The following GLRB variants were observed in gnomAD, a reference collection of about 807,000 sequenced individuals.
GLRB encodes glycine receptor beta, also known as glycine receptor subunit beta.
GLRB carries 33 observed loss-of-function variants against 54.2 expected under a neutral mutation model. That is an observed-to-expected ratio of 0.61 (90% CI 0.46 to 0.81). The LOEUF (loss-of-function observed/expected upper bound fraction) is 0.81. Among genes scored for constraint, GLRB ranks in the 40% least tolerant of loss-of-function variants. GLRB has a pLI of 0.00. For missense variants in GLRB, 572 were observed against 584.6 expected, an observed-to-expected ratio of 0.98 and a Z score of 0.22; for synonymous variants, 209 against 208.2, an observed-to-expected ratio of 1.00 and a Z score of -0.03.
intron 8 of GLRB, among the ~76,000 whole-genome samples, chr4:157,149,147 G>A (rs1736924962): frequency 6.6e-6 from 1 of 151,968 alleles, no homozygotes; most frequent in Non-Finnish European, 1.5e-5. Context: ...AGTCTCTTTT[G>A]TTATGGCCTG....
At chr4:157,122,207 A>AT in intron 3 of GLRB, 123 bp from the exon 4 acceptor site, 2 of 488,790 alleles carry the variant, frequency 4.1e-6, no homozygotes, top group Middle Eastern at 5.7e-4. Flanking sequence ...GAGACCATAG[A>AT]TTTTTTGCAT....
chr4:157,111,680 G>A (rs1735424220), intron 2 of GLRB, among the ~76,000 whole-genome samples: 1 of 152,000 alleles, frequency 6.6e-6, no homozygotes, highest in Non-Finnish European at 1.5e-5. Context: ...TTGAGGGGGA[G>A]TAAGAGTCCA....
intron 9 of GLRB, among the ~76,000 whole-genome samples, chr4:157,153,324 G>A (rs933496150): frequency 1.3e-5 from 2 of 152,106 alleles, no homozygotes; most frequent in Non-Finnish European, 2.9e-5. Context: ...TTGCTGGATG[G>A]AGCACAGACC....
intron 4 of GLRB, among the ~76,000 whole-genome samples, chr4:157,124,384 C>A (rs1205168794): frequency 6.6e-6 from 1 of 151,688 alleles, no homozygotes. Flanking sequence ...AGCTTCTATA[C>A]TGTAATTAAA....
chr4:157,157,623 G>C (rs1056102626), intron 9 of GLRB, among the ~76,000 whole-genome samples: 1 of 152,112 alleles, frequency 6.6e-6, no homozygotes, highest in Non-Finnish European at 1.5e-5. Flanking sequence ...AGTTTGCTCA[G>C]AATGATTGTT....
chr4:157,101,293 T>C (rs901997714), intron 2 of GLRB, among the ~76,000 whole-genome samples: 1 of 151,996 alleles, frequency 6.6e-6, no homozygotes, highest in African/African-American at 2.4e-5. Flanking sequence ...ATATAAATAA[T>C]ATATTTTTGG....
chr4:157,086,101 G>A (rs4615228), intron 2 of GLRB, among the ~76,000 whole-genome samples: 26,665 of 151,972 alleles, frequency 0.18, 2,460 homozygotes, highest in East Asian at 0.28. Flanking sequence ...CAAAGACTTC[G>A]CGTTACAGGT....
At chr4:157,139,413 A>G (rs537041703) in intron 7 of GLRB, among the ~76,000 whole-genome samples, 28 of 152,252 alleles carry the variant, frequency 1.8e-4, no homozygotes, top group African/African-American at 6.0e-4. Flanking sequence ...AGGAAGCAAT[A>G]AGAATGTGAA....
intron 2 of GLRB, among the ~76,000 whole-genome samples, chr4:157,102,531 G>A (rs1464864193): frequency 6.6e-6 from 1 of 151,948 alleles, no homozygotes; most frequent in Non-Finnish European, 1.5e-5. Context: ...CTTTTTAAAG[G>A]CTAAATAATA....
chr4:157,152,741 G>T lies in GLRB; in HGVS notation c.928G>T (p.Ala310Ser), dbSNP rs1250261870. The T allele has an allele frequency of 1.2e-6, 2 of 1,613,516 alleles. No homozygotes were observed. The highest frequency in any genetic ancestry group is 1.7e-6 in the Non-Finnish European group (2 of 1,179,626). Residue 310 changes from alanine to serine, a missense_variant, in exon 9 of 10, where the codon GCC (alanine) becomes TCC (serine). Physicochemically the swap from Ala to Ser is moderately conservative, Grantham distance 99 (BLOSUM62 1). Transcript: ENST00000264428. ...AGGTATCTTCTCAGTCCTCAGCTTGGCCTCTGAGTGCACAACCCTTGCCGC... is the reference window on the plus strand; with the variant it reads ...AGGTATCTTCTCAGTCCTCAGCTTGTCCTCTGAGTGCACAACCCTTGCCGC... ...PLGIFSVLSLASECTTLAAEL... is the reference protein window; with the variant it reads ...PLGIFSVLSLSSECTTLAAEL...
chr4:157,136,677 G>A lies in GLRB; in HGVS notation c.506G>A (p.Gly169Glu). The A allele has an allele frequency of 1.2e-6, 2 of 1,607,212 alleles. No individual in the cohort carries two copies. Among genetic ancestry groups the A allele is most frequent in the Non-Finnish European group, 1.7e-6 (2 of 1,173,756 alleles). The change falls in exon 5 of 10, where the codon GGA becomes GAA. Residue 169 changes from glycine to glutamate, a missense_variant. Physicochemically the swap from Gly to Glu is moderately conservative, Grantham distance 98 (BLOSUM62 -2). Coordinates refer to ENST00000264428, the MANE Select transcript of GLRB (RefSeq NM_000824.5). ...ATCCTCCTCTTTATTTTTCGTGATGGAGATGTCCTTGTCAGCATGAGGTAC... is the reference window on the plus strand; with the variant it reads ...ATCCTCCTCTTTATTTTTCGTGATGAAGATGTCCTTGTCAGCATGAGGTAC... ...ENILLFIFRDGDVLVSMRLSI... is the reference protein window; with the variant it reads ...ENILLFIFRDEDVLVSMRLSI...
intron 4 of GLRB, among the ~76,000 whole-genome samples, chr4:157,127,426 G>T (rs575651738): frequency 2.6e-5 from 4 of 151,694 alleles, no homozygotes; most frequent in African/African-American, 9.7e-5. Context: ...CTGAATAATG[G>T]CCCCCTAAAG....
At chr4:157,109,898 C>T (rs375394432) in intron 2 of GLRB, among the ~76,000 whole-genome samples, 2 of 151,970 alleles carry the variant, frequency 1.3e-5, no homozygotes, top group Admixed American at 1.3e-4. Context: ...ATAAAGCTTC[C>T]GTGCCCTCTC....
In GLRB at chr4:157,171,062, T is replaced by C. The variant is rs188807631; in HGVS notation, c.*334T>C. 192 of 172,130 alleles carry C rather than the reference T, an allele frequency of 1.1e-3. No individual in the cohort carries two copies. The highest frequency in any genetic ancestry group is 3.8e-3 in the African/African-American group (161 of 42,232). 10.7% of individuals were successfully genotyped at this position (172,130 alleles called of 1,614,324 possible). ...TCTGATAATAAAATGATATGCACGC[T>C]GAATCCTGCTATGGTCACCATTCTA... On this transcript the variant is annotated 3_prime_UTR_variant, in exon 10 of 10. Coordinates refer to ENST00000264428, the MANE Select transcript of GLRB (RefSeq NM_000824.5).
At chr4:157,114,760 A>G (rs931929477) in intron 2 of GLRB, among the ~76,000 whole-genome samples, 4 of 151,790 alleles carry the variant, frequency 2.6e-5, no homozygotes, top group African/African-American at 7.3e-5. Flanking sequence ...TGTGTTTCCC[A>G]TGACTAGACT....
chr4:157,092,103 A>G (rs970159868), intron 2 of GLRB, among the ~76,000 whole-genome samples: 3 of 152,214 alleles, frequency 2.0e-5, no homozygotes, highest in Non-Finnish European at 2.9e-5. Context: ...TCCTCAGATA[A>G]TTCTTTTTGG....
intron 9 of GLRB, among the ~76,000 whole-genome samples, chr4:157,155,822 A>G (rs1400745652): frequency 2.0e-5 from 3 of 152,160 alleles, no homozygotes; most frequent in Non-Finnish European, 4.4e-5. Flanking sequence ...TTGAAAATAT[A>G]GATGTATGTT....
chr4:157,105,687 T>G (rs988232195), intron 2 of GLRB, among the ~76,000 whole-genome samples: 1 of 152,136 alleles, frequency 6.6e-6, no homozygotes, highest in Non-Finnish European at 1.5e-5. Flanking sequence ...TATAAATTTC[T>G]GTGGCCCTAT....
At chr4:157,165,810 G>A (rs887015444) in intron 9 of GLRB, among the ~76,000 whole-genome samples, 28 of 151,892 alleles carry the variant, frequency 1.8e-4, no homozygotes, top group African/African-American at 6.8e-4. Context: ...ATGAATAAAA[G>A]ACAAAGAAAA....
Sources: gnomAD v4.1 joint callset for allele counts (sites outside exome capture counted in the v4.1 genomes callset) on GRCh38, gnomAD v4.1.1 for gene constraint, MANE v1.5 for transcripts, NCBI Gene and HGNC (gene_info 2026-07-23, HGNC 2026-07-21) for gene names.